The following TLK1 variants were observed in gnomAD, a reference collection of about 807,000 sequenced individuals.
TLK1 encodes serine/threonine-protein kinase tousled-like 1.
In TLK1, 24 loss-of-function variants were observed where a neutral mutation model predicts 105.3. The ratio of observed to expected loss-of-function variants is 0.23; its 90% confidence interval spans 0.17 to 0.32. TLK1 has a LOEUF of 0.32. Among genes scored for constraint, TLK1 ranks in the 10% least tolerant of loss-of-function variants. The pLI is 1.00. For missense variants in TLK1, 558 were observed against 910.5 expected, an observed-to-expected ratio of 0.61 and a Z score of 4.98; for synonymous variants, 321 against 310.4, an observed-to-expected ratio of 1.03 and a Z score of -0.36.
intron 11 of TLK1, among the ~76,000 whole-genome samples, chr2:171,037,216 C>T (rs1424861868): frequency 1.3e-5 from 2 of 151,990 alleles, no homozygotes; most frequent in African/African-American, 2.4e-5. Flanking sequence ...CTGAGGTGGG[C>T]AGATCACCTG....
chr2:171,095,379 T>TAC (rs1390846640), intron 2 of TLK1, among the ~76,000 whole-genome samples: 1 of 152,022 alleles, frequency 6.6e-6, no homozygotes, highest in Non-Finnish European at 1.5e-5. Context: ...TAGCAAGTCC[T>TAC]ACCAAGACCA....
intron 1 of TLK1, among the ~76,000 whole-genome samples, chr2:171,186,442 G>T (rs777530528): frequency 1.3e-5 from 2 of 152,180 alleles, no homozygotes; most frequent in Non-Finnish European, 2.9e-5. Flanking sequence ...GGGAGTAAAA[G>T]CCCTTGTCAT....
chr2:171,218,543 G>A (rs576443605), intron 1 of TLK1, among the ~76,000 whole-genome samples: 10 of 152,202 alleles, frequency 6.6e-5, no homozygotes, highest in African/African-American at 2.4e-4. Context: ...CCTGAGACTG[G>A]GTAATTTATA....
At chr2:171,169,902 G>A (rs1057211088) in intron 1 of TLK1, among the ~76,000 whole-genome samples, 2 of 152,144 alleles carry the variant, frequency 1.3e-5, no homozygotes, top group Non-Finnish European at 2.9e-5. Context: ...AGTATTTGTG[G>A]AAAGCTTTCA....
chr2:171,066,282 G>A (rs1195186906), intron 3 of TLK1, among the ~76,000 whole-genome samples: 2 of 152,106 alleles, frequency 1.3e-5, no homozygotes, highest in African/African-American at 4.8e-5. Flanking sequence ...GCATTTCCTT[G>A]CAATTCTAAG....
chr2:171,057,193 A>C (rs1687542268), intron 5 of TLK1, among the ~76,000 whole-genome samples: 1 of 152,174 alleles, frequency 6.6e-6, no homozygotes, highest in South Asian at 2.1e-4. Flanking sequence ...TCACATACGA[A>C]GGATGGGAAA....
At chr2:171,193,579 C>G (rs1454950106) in intron 1 of TLK1, among the ~76,000 whole-genome samples, 3 of 150,334 alleles carry the variant, frequency 2.0e-5, no homozygotes, top group Non-Finnish European at 4.4e-5. Flanking sequence ...TATATTTTTT[C>G]TTTAGTAGAG....
At chr2:171,064,107 A>G (rs1363160734) in intron 3 of TLK1, among the ~76,000 whole-genome samples, 6 of 152,192 alleles carry the variant, frequency 3.9e-5, no homozygotes, top group Admixed American at 3.9e-4. Flanking sequence ...AATGCATTAT[A>G]ATTATAGTAA....
At chr2:171,037,441 C>CA (rs34547550) in intron 11 of TLK1, among the ~76,000 whole-genome samples, 69,725 of 118,268 alleles carry the variant, frequency 0.59, 20,325 homozygotes, top group South Asian at 0.72. Flanking sequence ...AACTCCGTCT[C>CA]AAAAAAAAAA....
At chr2:171,158,901 T>C (rs1186008075) in intron 1 of TLK1, among the ~76,000 whole-genome samples, 1 of 152,244 alleles carries the variant, frequency 6.6e-6, no homozygotes, top group Non-Finnish European at 1.5e-5. Flanking sequence ...TCTGTCAATG[T>C]ATTCCGCATG....
chr2:171,134,166 A>G (rs1449265551), intron 1 of TLK1, among the ~76,000 whole-genome samples: 1 of 152,176 alleles, frequency 6.6e-6, no homozygotes, highest in African/African-American at 2.4e-5. Context: ...GATTAATTCT[A>G]TATGACACAT....
intron 11 of TLK1, among the ~76,000 whole-genome samples, chr2:171,029,246 A>G (rs980744745): frequency 1.3e-5 from 2 of 151,982 alleles, no homozygotes; most frequent in East Asian, 3.8e-4. Flanking sequence ...TTTTAAAAAG[A>G]GGAAAAAAAC....
At chr2:171,073,228 T>TAGCGAGGACTTCCCA (rs1335712720) in intron 3 of TLK1, among the ~76,000 whole-genome samples, 6 of 152,180 alleles carry the variant, frequency 3.9e-5, no homozygotes, top group African/African-American at 1.4e-4. Context: ...CTGACTGCTC[T>TAGCGAGGACTTCCCA]AGCGAGGACT....
At chr2:171,150,024 T>G (rs1325271381) in intron 1 of TLK1, among the ~76,000 whole-genome samples, 1 of 152,238 alleles carries the variant, frequency 6.6e-6, no homozygotes, top group Non-Finnish European at 1.5e-5. Context: ...ATGAAACATT[T>G]GATAAACTGC....
At chr2:171,162,321 C>T (rs1692524211), upstream of TLK1, among the ~76,000 whole-genome samples, 1 of 152,156 alleles carries the variant, frequency 6.6e-6, no homozygotes, top group Admixed American at 6.5e-5. Context: ...GGGCGGATCA[C>T]GAGGTCAGGA....
chr2:171,011,978 C>CTAA (rs1261359614), intron 13 of TLK1, among the ~76,000 whole-genome samples: 1 of 151,862 alleles, frequency 6.6e-6, no homozygotes, highest in Non-Finnish European at 1.5e-5. Flanking sequence ...AATACTACTA[C>CTAA]TATTACTACT....
intron 1 of TLK1, among the ~76,000 whole-genome samples, chr2:171,229,478 C>G (rs970244659): frequency 6.6e-6 from 1 of 152,182 alleles, no homozygotes; most frequent in African/African-American, 2.4e-5. Context: ...GTTCTAGCTG[C>G]CAGCTTAAAC....
At chr2:171,068,891 C>G (rs993648053) in intron 3 of TLK1, among the ~76,000 whole-genome samples, 1 of 152,122 alleles carries the variant, frequency 6.6e-6, no homozygotes, top group Non-Finnish European at 1.5e-5. Flanking sequence ...AAATGAGAAT[C>G]TTAAAGAAAA....
At chr2:171,164,211 T>TA (rs985196016), upstream of TLK1, among the ~76,000 whole-genome samples, 15 of 152,044 alleles carry the variant, frequency 9.9e-5, no homozygotes, top group African/African-American at 1.9e-4. Flanking sequence ...CACCAACCTT[T>TA]AAAAAAAAGG....
Sources: allele counts gnomAD v4.1 joint callset (sites outside exome capture counted in the v4.1 genomes callset), GRCh38; gene constraint gnomAD v4.1.1; transcripts MANE v1.5; gene names NCBI Gene and HGNC (gene_info 2026-07-23, HGNC 2026-07-21).